The following ATRNL1 variants were observed in gnomAD, a reference collection of about 807,000 sequenced individuals.
ATRNL1 encodes attractin like 1, also known as attractin-like protein 1.
ATRNL1 carries 95 observed loss-of-function variants against 182.7 expected under a neutral mutation model. That is an observed-to-expected ratio of 0.52 (90% CI 0.44 to 0.62). ATRNL1 has a LOEUF of 0.62. ATRNL1 is among the 20% of genes least tolerant of loss of function. ATRNL1 has a pLI of 0.00. For synonymous variants in ATRNL1, 576 were observed against 568.3 expected (o/e 1.01, Z -0.19); for missense variants, 1,471 against 1,679.5 (o/e 0.88, Z 2.17).
chr10:115,455,411 G>A (rs1406790318), intron 21 of ATRNL1, among the ~76,000 whole-genome samples: 1 of 152,142 alleles, frequency 6.6e-6, no homozygotes, highest in East Asian at 1.9e-4. Flanking sequence ...AATAAATGGT[G>A]TTGGGGAAAC....
chr10:115,797,988 G>A (rs371008820), intron 27 of ATRNL1, among the ~76,000 whole-genome samples: 347 of 152,084 alleles, frequency 2.3e-3, no homozygotes, highest in African/African-American at 7.7e-3. Flanking sequence ...CACGATCTCC[G>A]CTCACTGCAA....
intron 5 of ATRNL1, among the ~76,000 whole-genome samples, chr10:115,133,771 T>C (rs1430875470): frequency 1.3e-5 from 2 of 152,194 alleles, no homozygotes; most frequent in Non-Finnish European, 2.9e-5. Context: ...ATTGCACTTA[T>C]TCCAAAATTG....
chr10:115,622,768 A>C (rs1042619167), intron 26 of ATRNL1, among the ~76,000 whole-genome samples: 1 of 152,110 alleles, frequency 6.6e-6, no homozygotes, highest in Non-Finnish European at 1.5e-5. Flanking sequence ...TCTACTAAAA[A>C]TACAAAAAAT....
At chr10:115,908,853 T>C (rs782478858) in intron 28 of ATRNL1, among the ~76,000 whole-genome samples, 9 of 152,214 alleles carry the variant, frequency 5.9e-5, no homozygotes, top group Non-Finnish European at 1.2e-4. Context: ...TACTTTTTTC[T>C]TAAACCTAAT....
Position 115,691,458 on chromosome 10 carries a change from A to T in ATRNL1, c.3796-35790A>T, listed in dbSNP as rs187220673. ...CTATTCAGGCCAGGCGTGATGGCTCACGCCTGTAATTCCAGCACTTTGGGA... is the reference window on the plus strand; with the variant it reads ...CTATTCAGGCCAGGCGTGATGGCTCTCGCCTGTAATTCCAGCACTTTGGGA... On this transcript the variant is annotated intron_variant, in intron 26 of 28. Coordinates refer to ENST00000355044, the MANE Select transcript of ATRNL1 (RefSeq NM_207303.4). Among the ~76,000 whole-genome samples the T allele has an allele frequency of 2.0e-5, 3 of 152,318 alleles. No homozygotes were observed. In the East Asian group the frequency reaches 5.8e-4, roughly 29 times the overall value.
intron 26 of ATRNL1, among the ~76,000 whole-genome samples, chr10:115,654,532 C>T (rs576870745): frequency 1.3e-5 from 2 of 152,188 alleles, no homozygotes; most frequent in African/African-American, 4.8e-5. Flanking sequence ...TTCTTCTTTT[C>T]TCATTGACTA....
chr10:115,318,990 T>C (rs1554930538), intron 18 of ATRNL1, among the ~76,000 whole-genome samples: 1 of 152,156 alleles, frequency 6.6e-6, no homozygotes, highest in Non-Finnish European at 1.5e-5. Context: ...TGTTAGGGTG[T>C]CGATTTGAGA....
chr10:115,549,456 A>T lies in ATRNL1; in HGVS notation c.3717-2A>T. ...AAAAATTATTTGTGTTTTATTTTCC[A>T]GTTGTTTCCTATCCTTATTGCTGGT... On this transcript the variant is annotated splice_acceptor_variant, in intron 25 of 28. Transcript: ENST00000355044. LOFTEE classifies it high-confidence loss of function. 6.3e-7 allele frequency: 1 copy of T among 1,585,432 alleles called. No individual in the cohort carries two copies. The highest frequency in any genetic ancestry group is 8.6e-7 in the Non-Finnish European group (1 of 1,166,270).
At chr10:115,286,985 TA>T (rs1404363003) in intron 15 of ATRNL1, among the ~76,000 whole-genome samples, 2 of 151,984 alleles carry the variant, frequency 1.3e-5, no homozygotes, top group African/African-American at 2.4e-5. Flanking sequence ...TATGCCATTT[TA>T]TATTACATAA....
chr10:115,655,869 T>G (rs1374886337), intron 26 of ATRNL1, among the ~76,000 whole-genome samples: 13 of 152,184 alleles, frequency 8.5e-5, no homozygotes, highest in African/African-American at 3.1e-4. Context: ...TGCCCTGTAA[T>G]TTTATCCTTT....
intron 27 of ATRNL1, among the ~76,000 whole-genome samples, chr10:115,820,722 A>G (rs1216555565): frequency 2.0e-5 from 3 of 152,060 alleles, no homozygotes; most frequent in African/African-American, 7.2e-5. Flanking sequence ...TAAAGAGTGC[A>G]TGCTCTGAAG....
At chr10:115,155,268 G>T (rs1310385307) in intron 5 of ATRNL1, among the ~76,000 whole-genome samples, 1 of 151,118 alleles carries the variant, frequency 6.6e-6, no homozygotes. Flanking sequence ...CAGTCAGTCT[G>T]TGTTTTTTAA....
chr10:115,281,622 CTAA>C, intron 14 of ATRNL1, 135 bp downstream of exon 14: 1 of 811,966 alleles, frequency 1.2e-6, no homozygotes, highest in Non-Finnish European at 1.8e-6. Context: ...TATTGTAGTA[CTAA>C]TAACACTGTT....
intron 28 of ATRNL1, among the ~76,000 whole-genome samples, chr10:115,919,552 G>C (rs1952981674): frequency 6.6e-6 from 1 of 152,056 alleles, no homozygotes; most frequent in Non-Finnish European, 1.5e-5. Flanking sequence ...CAGATAAAAT[G>C]ATGATGAAGG....
intron 26 of ATRNL1, among the ~76,000 whole-genome samples, chr10:115,638,823 A>T (rs1859053104): frequency 1.3e-5 from 2 of 152,196 alleles, no homozygotes; most frequent in South Asian, 4.1e-4. Context: ...GAATTGAATC[A>T]CTGAAATTGC....
chr10:115,415,275 T>C (rs1845335004), intron 20 of ATRNL1, among the ~76,000 whole-genome samples: 1 of 152,026 alleles, frequency 6.6e-6, no homozygotes, highest in African/African-American at 2.4e-5. Context: ...ATATTTCCAT[T>C]ATTATAAGTG....
At chr10:115,720,455 T>G (rs1484221008) in intron 26 of ATRNL1, among the ~76,000 whole-genome samples, 2 of 151,854 alleles carry the variant, frequency 1.3e-5, no homozygotes, top group Non-Finnish European at 2.9e-5. Flanking sequence ...ATATTTTATT[T>G]AATTCCTGTC....
chr10:115,596,470 C>T (rs1287459105), intron 26 of ATRNL1, among the ~76,000 whole-genome samples: 1 of 152,144 alleles, frequency 6.6e-6, no homozygotes, highest in Non-Finnish European at 1.5e-5. Context: ...TGACTACATA[C>T]AATTTTCAAC....
At chr10:115,491,429 T>C (rs1362408835) in intron 24 of ATRNL1, among the ~76,000 whole-genome samples, 1 of 151,800 alleles carries the variant, frequency 6.6e-6, no homozygotes, top group Non-Finnish European at 1.5e-5. Context: ...CTTTTTTTTT[T>C]CAGAGATGTC....
Sources: allele counts gnomAD v4.1 joint callset (sites outside exome capture counted in the v4.1 genomes callset), GRCh38; gene constraint gnomAD v4.1.1; transcripts MANE v1.5; gene names NCBI Gene and HGNC (gene_info 2026-07-23, HGNC 2026-07-21).